Variants in MYDGF observed in about 807,000 individuals in gnomAD.
The protein encoded by MYDGF is myeloid derived growth factor, also known as myeloid-derived growth factor.
A neutral mutation model predicts 24.2 loss-of-function variants in MYDGF; 29 were observed. The observed-to-expected ratio is 1.20, with a 90% CI of 0.89 to 1.63. The LOEUF is 1.63. Among genes scored for constraint, MYDGF ranks in the 40% most tolerant of loss-of-function variants. MYDGF has a pLI of 0.00. For synonymous variants in MYDGF, 105 were observed against 102.5 expected (o/e 1.02, Z -0.15); for missense variants, 245 against 234.8 (o/e 1.04, Z -0.29).
Position 4,660,669 on chromosome 19 carries a change from G to T in MYDGF, c.369C>A (p.Tyr123Ter), listed in dbSNP as rs769137401. Residue 123 changes from tyrosine to a stop codon, truncating the protein, a stop_gained and splice_region_variant, in exon 4 of 6, where the codon TAC (tyrosine) becomes TAA (stop). Transcript: ENST00000262947. LOFTEE classifies it high-confidence loss of function. ...GCCTGCCCCACTCCAAGATACTCAC[G>T]TAGGCCATGGCGTACTCAATCTCAG... ...RGAEIEYAMA[Y>*]SKAAFERESD... The T allele has an allele frequency of 5.0e-6, 8 of 1,613,548 alleles. No individual in the cohort carries two copies. Among genetic ancestry groups the T allele is most frequent in the African/African-American group, 1.3e-5 (1 of 74,910 alleles).
intron 3 of MYDGF, among the ~76,000 whole-genome samples, chr19:4,664,247 C>A (rs1051859511): frequency 6.6e-6 from 1 of 152,070 alleles, no homozygotes; most frequent in African/African-American, 2.4e-5. Context: ...GGTCTGGCTG[C>A]ACACCTCTGA....
chr19:4,666,759 T>C (rs1285195942), intron 2 of MYDGF, among the ~76,000 whole-genome samples: 5 of 152,006 alleles, frequency 3.3e-5, no homozygotes, highest in South Asian at 2.1e-4. Flanking sequence ...GCGCTTTACA[T>C]AGGATACAGA....
In MYDGF at chr19:4,657,685, G is replaced by A. The variant is rs2088433406; in HGVS notation, c.*320C>T. 4.2e-6 allele frequency: 1 copy of A among 240,878 alleles called. No individual in the cohort carries two copies. 14.9% of individuals were successfully genotyped at this position (240,878 alleles called of 1,614,324 possible). A position where few individuals can be genotyped will look rare whatever the true frequency, so the allele number is the denominator to read the frequency against. On this transcript the variant is annotated 3_prime_UTR_variant, in exon 6 of 6. Transcript: ENST00000262947. ...AGGATGCTCGGCTGGAGGTCGGGGG[G>A]AGCATGGCTGCTTTCCCCAGCATAG...
At chr19:4,668,153 T>C (rs2088535055) in intron 2 of MYDGF, among the ~76,000 whole-genome samples, 1 of 152,174 alleles carries the variant, frequency 6.6e-6, no homozygotes, top group East Asian at 1.9e-4. Flanking sequence ...GTCTCGAACT[T>C]TGACCTCAGG....
At chr19:4,663,412 T>TAC (rs1568286935) in intron 3 of MYDGF, among the ~76,000 whole-genome samples, 16 of 131,382 alleles carry the variant, frequency 1.2e-4, no homozygotes, top group African/African-American at 4.5e-4. Context: ...GCCTCCAATC[T>TAC]GTGCCCTCTC....
chr19:4,665,900 C>T (rs908211300), intron 2 of MYDGF, among the ~76,000 whole-genome samples: 10 of 146,566 alleles, frequency 6.8e-5, no homozygotes, highest in Admixed American at 4.1e-4. Flanking sequence ...GCTGAACTAT[C>T]GTGAGATACC....
At chr19:4,660,036 C>A in intron 4 of MYDGF, 33 bp from the exon 5 acceptor site, 1 of 1,564,498 alleles carries the variant, frequency 6.4e-7, no homozygotes. Flanking sequence ...TTTACCAGGG[C>A]CAGTTCAATG....
rs762318920 is a variant in MYDGF at position 4,658,016 on chromosome 19, T to C, written c.511A>G (p.Thr171Ala). ...KLVIVAKASR[T>A]EL ...AACAGGGCTGCTGGTCACAGCTCAG[T>C]GCGCGATGCCTTGGCCACAATCACC... Residue 171 changes from threonine (T) to alanine (A), a missense_variant, in exon 6 of 6, where the codon ACT (threonine) becomes GCT (alanine). Physicochemically the swap from Thr to Ala is moderately conservative, Grantham distance 58 (BLOSUM62 0). Transcript: ENST00000262947. 11 of 1,610,218 alleles carry C rather than the reference T, an allele frequency of 6.8e-6. No individual in the cohort carries two copies. In the African/African-American group the frequency reaches 1.2e-4, roughly 18 times the overall value.
In MYDGF at chr19:4,664,936, T is replaced by G; in HGVS notation, c.227A>C (p.Gln76Pro). 1 of 1,612,732 alleles carries G rather than the reference T, an allele frequency of 6.2e-7. No homozygotes were observed. ...GCTGGTCCCCAGACTCATCTGCCAT[T>G]GCTGGGGAGAGAAGACAGCGCGGGT... is the stretch of plus-strand genomic sequence containing the variant. ...TYASQGGTNE[Q>P]WQMSLGTSED... Residue 76 changes from glutamine (Q) to proline (P), a missense_variant and splice_region_variant, in exon 3 of 6, where the codon CAA becomes CCA. Physicochemically the swap from Gln to Pro is moderately conservative, Grantham distance 76 (BLOSUM62 -1). Coordinates refer to ENST00000262947, the MANE Select transcript of MYDGF (RefSeq NM_019107.4).
chr19:4,670,244 C>T lies in MYDGF; in HGVS notation c.91G>A (p.Ala31Thr). ...LGAVALRPAEAVSEPTTVAFD... is the reference protein window; with the variant it reads ...LGAVALRPAETVSEPTTVAFD... ...GCCACCGTCGTGGGCTCGGACACCG[C>T]CTCCGCCGGCCTCAGCGCCACGGCC... Residue 31 changes from alanine (A) to threonine (T), a missense_variant, in exon 1 of 6, where the codon GCG (alanine) becomes ACG (threonine). Ala to Thr is a moderately conservative substitution (Grantham distance 58). Coordinates refer to ENST00000262947, the MANE Select transcript of MYDGF (RefSeq NM_019107.4). 1 of 1,564,670 alleles carries T rather than the reference C, an allele frequency of 6.4e-7. No homozygotes were observed. The highest frequency in any genetic ancestry group is 8.6e-7 in the Non-Finnish European group (1 of 1,158,388).
intron 2 of MYDGF, among the ~76,000 whole-genome samples, chr19:4,665,138 C>A (rs973406828): frequency 1.3e-5 from 2 of 152,248 alleles, no homozygotes; most frequent in African/African-American, 2.4e-5. Context: ...TGCACCACAT[C>A]CTTCCCATAA....
Position 4,670,146 on chromosome 19 carries a change from G to A in MYDGF, c.174+15C>T, listed in dbSNP as rs976007353. The A allele has an allele frequency of 5.3e-6, 8 of 1,497,350 alleles. No individual in the cohort carries two copies. The highest frequency in any genetic ancestry group is 7.1e-6 in the Non-Finnish European group (8 of 1,121,670). The allele number at this position is 1,497,350 out of a possible 1,614,324, so 92.8% of individuals were successfully genotyped here. ...CTGCCAGCACTCAAATATCCGGGAC[G>A]GCGGTGGCACGTACCCCCGGGCCCA... On this transcript the variant is annotated intron_variant, in intron 1 of 5. Transcript: ENST00000262947.
In MYDGF at chr19:4,670,341, C is replaced by G. The variant is rs1402860737; in HGVS notation, c.-7G>C. The G allele has an allele frequency of 2.1e-6, 3 of 1,432,254 alleles. No individual in the cohort carries two copies. In the East Asian group the frequency reaches 9.0e-5, roughly 43 times the overall value. The allele number at this position is 1,432,254 out of a possible 1,614,324, so 88.7% of individuals were successfully genotyped here. A position where few individuals can be genotyped will look rare whatever the true frequency, so the allele number is the denominator to read the frequency against. ...CTCCGCTGGGCGCCGCCATGTTGGA[C>G]TAGGGTCCTCAGGGCAGGGGCGGGT... On this transcript the variant is annotated 5_prime_UTR_variant, in exon 1 of 6. Coordinates refer to ENST00000262947, the MANE Select transcript of MYDGF (RefSeq NM_019107.4).
At chr19:4,659,839 C>T in intron 5 of MYDGF, 92 bp downstream of exon 5, 1 of 1,094,534 alleles carries the variant, frequency 9.1e-7, no homozygotes, top group Non-Finnish European at 1.4e-6. Flanking sequence ...TCTCCAGGAC[C>T]CCTATGGCTG....
intron 3 of MYDGF, among the ~76,000 whole-genome samples, chr19:4,664,140 C>T (rs2088502460): frequency 6.6e-6 from 1 of 151,988 alleles, no homozygotes; most frequent in African/African-American, 2.4e-5. Flanking sequence ...TCCACAGAGA[C>T]AGGAGGGGGA....
intron 3 of MYDGF, among the ~76,000 whole-genome samples, chr19:4,663,458 C>CTG (rs1191860276): frequency 1.3e-4 from 17 of 129,174 alleles, no homozygotes; most frequent in African/African-American, 3.5e-4. Flanking sequence ...AGCCTCCAAT[C>CTG]TACCCTCCCC....
At chr19:4,658,274 G>C (rs10425989) in intron 5 of MYDGF, among the ~76,000 whole-genome samples, 190 bp from the exon 6 acceptor site, 3,073 of 152,294 alleles carry the variant, frequency 0.02, 109 homozygotes, top group African/African-American at 0.071. Flanking sequence ...TGATGTGGAG[G>C]GTAAGGTCGG....
chr19:4,664,734 A>C (rs1023095866), intron 3 of MYDGF, 142 bp downstream of exon 3: 18 of 825,580 alleles, frequency 2.2e-5, no homozygotes, highest in South Asian at 7.5e-5. Context: ...GCCACCCCCC[A>C]CCTGCACGTG....
At chr19:4,669,624 C>T (rs550239995) in intron 1 of MYDGF, among the ~76,000 whole-genome samples, 2 of 152,324 alleles carry the variant, frequency 1.3e-5, no homozygotes, top group African/African-American at 2.4e-5. Context: ...AGTAAAGATA[C>T]TGTTATTACA....
Sources: gnomAD v4.1 joint callset for allele counts (sites outside exome capture counted in the v4.1 genomes callset) on GRCh38, gnomAD v4.1.1 for gene constraint, MANE v1.5 for transcripts, NCBI Gene and HGNC (gene_info 2026-07-23, HGNC 2026-07-21) for gene names.